CNTNAP5: variants seen among roughly 807,000 people sequenced by gnomAD.
CNTNAP5 encodes the protein contactin-associated protein-like 5.
In CNTNAP5, 72 loss-of-function variants were observed where a neutral mutation model predicts 150.2. That is an observed-to-expected ratio of 0.48 (90% CI 0.40 to 0.58). The LOEUF is 0.58. Among genes scored for constraint, CNTNAP5 ranks in the 20% least tolerant of loss-of-function variants. The pLI, the probability that CNTNAP5 is intolerant of heterozygous loss-of-function variation, is 0.00. For synonymous variants in CNTNAP5, 672 were observed against 619.8 expected, an observed-to-expected ratio of 1.08 and a Z score of -1.25; for missense variants, 1,636 against 1,626.2, an observed-to-expected ratio of 1.01 and a Z score of -0.10.
intron 1 of CNTNAP5, among the ~76,000 whole-genome samples, chr2:124,090,891 A>G (rs2104685877): frequency 6.6e-6 from 1 of 152,360 alleles, no homozygotes; most frequent in South Asian, 2.1e-4. Flanking sequence ...CAGAGTTGGA[A>G]AGAAAACCTG....
intron 11 of CNTNAP5, among the ~76,000 whole-genome samples, chr2:124,580,788 C>A (rs780479519): frequency 1.3e-5 from 2 of 152,154 alleles, no homozygotes; most frequent in Non-Finnish European, 2.9e-5. Context: ...GAGGACAAAA[C>A]CTATGCATAT....
At chr2:124,765,266 T>C (rs1573602362) in intron 16 of CNTNAP5, among the ~76,000 whole-genome samples, 1 of 152,122 alleles carries the variant, frequency 6.6e-6, no homozygotes, top group African/African-American at 2.4e-5. Flanking sequence ...AGAAAATTAA[T>C]GATAAATTTC....
intron 13 of CNTNAP5, among the ~76,000 whole-genome samples, chr2:124,684,962 C>T (rs1455170003): frequency 6.6e-6 from 1 of 152,110 alleles, no homozygotes; most frequent in Non-Finnish European, 1.5e-5. Flanking sequence ...ACCAGGCCTT[C>T]CTATGCTTAC....
At chr2:124,466,640 T>C (rs1225909342) in intron 6 of CNTNAP5, among the ~76,000 whole-genome samples, 1 of 152,014 alleles carries the variant, frequency 6.6e-6, no homozygotes, top group Non-Finnish European at 1.5e-5. Flanking sequence ...AATAAAAGAG[T>C]TTTTGATCAG....
chr2:124,071,243 A>G (rs886187301), intron 1 of CNTNAP5, among the ~76,000 whole-genome samples: 1 of 151,924 alleles, frequency 6.6e-6, no homozygotes, highest in Non-Finnish European at 1.5e-5. Flanking sequence ...AAGTGCATAA[A>G]TAAAAAAAAT....
At position 124,793,074 on chromosome 2, in the gene CNTNAP5, C is replaced by T. The variant is rs536524789; in HGVS notation, c.2992+2933C>T. 5.9e-5 allele frequency among the ~76,000 whole-genome samples: 9 copies of T among 152,266 alleles called. 1 individual carries two copies. In the South Asian group the frequency reaches 1.2e-3, roughly 21 times the overall value. On this transcript the variant is annotated intron_variant, in intron 18 of 23. Transcript: ENST00000682447. ...CTAGAAGTGAGATTGTTGTGTCAAACGGTAACTATAGGTTTAATCTTTTTG... is the reference window on the plus strand; with the variant it reads ...CTAGAAGTGAGATTGTTGTGTCAAATGGTAACTATAGGTTTAATCTTTTTG...
At chr2:124,250,857 G>A (rs764114521) in intron 3 of CNTNAP5, among the ~76,000 whole-genome samples, 2 of 151,056 alleles carry the variant, frequency 1.3e-5, no homozygotes, top group Non-Finnish European at 2.9e-5. Flanking sequence ...TTATTGCAAT[G>A]GTAACAATCA....
chr2:124,092,907 A>T (rs1290408217), intron 1 of CNTNAP5, among the ~76,000 whole-genome samples: 1 of 152,232 alleles, frequency 6.6e-6, no homozygotes, highest in Non-Finnish European at 1.5e-5. Flanking sequence ...TAGTAATGCT[A>T]ACAGAAAGAT....
chr2:124,541,248 A>T (rs1403187040), intron 10 of CNTNAP5, among the ~76,000 whole-genome samples: 1 of 129,596 alleles, frequency 7.7e-6, no homozygotes, highest in Non-Finnish European at 1.6e-5. Context: ...AATTCCCCAC[A>T]TTTTCCCAAA....
intron 3 of CNTNAP5, among the ~76,000 whole-genome samples, chr2:124,382,718 A>C (rs1425743): frequency 6.6e-6 from 1 of 151,956 alleles, no homozygotes; most frequent in Non-Finnish European, 1.5e-5. Context: ...CTTTGCAAAC[A>C]GTAAAAAACA....
chr2:124,622,980 A>C (rs189892134), intron 12 of CNTNAP5, among the ~76,000 whole-genome samples: 1 of 152,192 alleles, frequency 6.6e-6, no homozygotes, highest in Admixed American at 6.5e-5. Flanking sequence ...TTATAAGTGC[A>C]CGAATGAGGC....
rs1213941 is a variant in CNTNAP5 at position 124,062,124 on chromosome 2, A to C, written c.82+36392A>C. Among the ~76,000 whole-genome samples, 228 of 152,230 alleles carry C rather than the reference A, an allele frequency of 1.5e-3. 1 individual carries two copies. The highest frequency in any genetic ancestry group is 2.6e-3 in the Non-Finnish European group (175 of 68,012). On this transcript the variant is annotated intron_variant, in intron 1 of 23. Transcript: ENST00000682447. ...GGCCAATACTTGCTTTTATTACAGA[A>C]TTAATTCTGTTTTTGTTTGTTTAGC...
chr2:124,748,760 A>G (rs1020485443), intron 14 of CNTNAP5, among the ~76,000 whole-genome samples: 1 of 152,154 alleles, frequency 6.6e-6, no homozygotes, highest in African/African-American at 2.4e-5. Context: ...TCACTTCAGA[A>G]CACCCTAGGG....
intron 1 of CNTNAP5, among the ~76,000 whole-genome samples, chr2:124,100,117 G>A (rs910720394): frequency 2.8e-4 from 41 of 146,700 alleles, no homozygotes; most frequent in African/African-American, 1.0e-3. Context: ...GCCTCAGGAA[G>A]CTTCCAATCA....
intron 1 of CNTNAP5, among the ~76,000 whole-genome samples, chr2:124,084,257 G>A (rs1410865121): frequency 6.6e-6 from 1 of 151,112 alleles, no homozygotes; most frequent in Non-Finnish European, 1.5e-5. Flanking sequence ...AATTCCAGAA[G>A]TCATTTTGTA....
chr2:124,168,135 T>C (rs1684849074), intron 1 of CNTNAP5, among the ~76,000 whole-genome samples: 1 of 152,174 alleles, frequency 6.6e-6, no homozygotes, highest in African/African-American at 2.4e-5. Context: ...ATAAATGGTT[T>C]CCTTCCCCTC....
Position 124,832,279 on chromosome 2 carries a change from T to C in CNTNAP5, c.3218-33027T>C, listed in dbSNP as rs1682731860. On this transcript the variant is annotated intron_variant, in intron 19 of 23. Coordinates refer to ENST00000682447, the MANE Select transcript of CNTNAP5 (RefSeq NM_001367498.1). ...ACATGAACTGGAAAATATTTAAACT[T>C]ACTAATTCATGAGTGCTCGTTTATT... 3.3e-5 allele frequency among the ~76,000 whole-genome samples: 5 copies of C among 152,152 alleles called. No homozygotes were observed. In the South Asian group the frequency reaches 1.0e-3, roughly 32 times the overall value.
At chr2:124,310,826 C>T (rs1688810743) in intron 3 of CNTNAP5, among the ~76,000 whole-genome samples, 1 of 152,136 alleles carries the variant, frequency 6.6e-6, no homozygotes, top group Non-Finnish European at 1.5e-5. Flanking sequence ...GCAGTGGGAG[C>T]TTGAGGCTGG....
At chr2:124,117,588 G>A (rs190476947) in intron 1 of CNTNAP5, among the ~76,000 whole-genome samples, 1 of 152,238 alleles carries the variant, frequency 6.6e-6, no homozygotes, top group East Asian at 1.9e-4. Flanking sequence ...AATTTAATGA[G>A]TACTTAACAC....
Sources: allele counts gnomAD v4.1 joint callset (sites outside exome capture counted in the v4.1 genomes callset), GRCh38; gene constraint gnomAD v4.1.1; transcripts MANE v1.5; gene names NCBI Gene and HGNC (gene_info 2026-07-23, HGNC 2026-07-21).